The following SV2C variants were observed in gnomAD, a reference collection of about 807,000 sequenced individuals.
The protein encoded by SV2C is synaptic vesicle glycoprotein 2C, also known as solute carrier family 22 member B3.
SV2C carries 49 observed loss-of-function variants against 79.7 expected under a neutral mutation model. That is an observed-to-expected ratio of 0.61 (90% CI 0.49 to 0.78). The LOEUF is 0.78. SV2C is among the 30% of genes least tolerant of loss of function. The pLI, the probability that SV2C is intolerant of heterozygous loss-of-function variation, is 0.00. For synonymous variants in SV2C, 334 were observed against 333.2 expected (o/e 1.00, Z -0.03); for missense variants, 833 against 912.9 (o/e 0.91, Z 1.13).
chr5:76,218,292 A>G (rs1319236070), intron 4 of SV2C, among the ~76,000 whole-genome samples: 1 of 152,248 alleles, frequency 6.6e-6, no homozygotes, highest in Non-Finnish European at 1.5e-5. Context: ...TCTACCATAA[A>G]GACACATGCA....
the SV2C span, among the ~76,000 whole-genome samples, chr5:75,946,924 A>G: frequency 2.0e-5 from 3 of 152,150 alleles, no homozygotes; most frequent in Admixed American, 2.0e-4. Context: ...ATAAAAATAC[A>G]GTTTAAAACA....
rs375230806 is a variant in SV2C at position 76,325,573 on chromosome 5, G to A, written c.*26G>A. On this transcript the variant is annotated 3_prime_UTR_variant, in exon 13 of 13. Transcript: ENST00000502798. ...TGGGAAAAAAAGCCATCCTTCCTGC[G>A]TTTCTTCCTCCTGCCCTGGGTCAAT... 45 of 1,611,228 alleles carry A rather than the reference G, an allele frequency of 2.8e-5. No homozygotes were observed. The highest frequency in any genetic ancestry group is 3.3e-5 in the Non-Finnish European group (39 of 1,178,650).
At chr5:76,120,855 T>C (rs1210703246) in intron 1 of SV2C, among the ~76,000 whole-genome samples, 1 of 150,704 alleles carries the variant, frequency 6.6e-6, no homozygotes, top group Non-Finnish European at 1.5e-5. Flanking sequence ...TATAGCGGCA[T>C]GATTTATAGT....
intron 1 of SV2C, among the ~76,000 whole-genome samples, chr5:76,084,884 G>T (rs1245362823): frequency 1.3e-5 from 2 of 151,938 alleles, no homozygotes; most frequent in Non-Finnish European, 2.9e-5. Context: ...GGCCTGGGCT[G>T]GCGGGCAGGC....
intron 1 of SV2C, among the ~76,000 whole-genome samples, chr5:76,116,442 G>A (rs1454175108): frequency 6.6e-6 from 1 of 152,184 alleles, no homozygotes; most frequent in East Asian, 1.9e-4. Flanking sequence ...GGAGAGGGAA[G>A]CAGAATTGTT....
At chr5:76,133,583 A>G (rs1748976251) in intron 2 of SV2C, among the ~76,000 whole-genome samples, 1 of 152,190 alleles carries the variant, frequency 6.6e-6, no homozygotes, top group South Asian at 2.1e-4. Context: ...ATGCTTAGCT[A>G]AAATAAATGG....
intron 1 of SV2C, among the ~76,000 whole-genome samples, chr5:76,088,709 C>G (rs1747279696): frequency 6.6e-6 from 1 of 152,174 alleles, no homozygotes; most frequent in Non-Finnish European, 1.5e-5. Flanking sequence ...TTATTGAAAA[C>G]TTAAAAGTAT....
intron 1 of SV2C, among the ~76,000 whole-genome samples, chr5:76,102,280 T>C (rs1747768674): frequency 6.6e-6 from 1 of 152,112 alleles, no homozygotes; most frequent in East Asian, 1.9e-4. Flanking sequence ...CCTCTGATCC[T>C]TTATGCCTGC....
the SV2C span, among the ~76,000 whole-genome samples, chr5:75,915,983 G>C: frequency 6.6e-6 from 1 of 152,124 alleles, no homozygotes; most frequent in African/African-American, 2.4e-5. Context: ...AGAGAGACAG[G>C]TAGTATAGAG....
chr5:76,072,683 C>T, the SV2C span, among the ~76,000 whole-genome samples: 1 of 152,138 alleles, frequency 6.6e-6, no homozygotes, highest in Admixed American at 6.5e-5. Context: ...GAAATCTCCA[C>T]ATTTTTTCCA....
At chr5:76,283,774 A>T (rs966515042) in intron 4 of SV2C, among the ~76,000 whole-genome samples, 3 of 152,228 alleles carry the variant, frequency 2.0e-5, no homozygotes, top group Admixed American at 6.5e-5. Context: ...TCATTTGTCA[A>T]CAAATTCAGC....
At chr5:76,138,959 A>G (rs1749159468) in intron 2 of SV2C, among the ~76,000 whole-genome samples, 1 of 152,104 alleles carries the variant, frequency 6.6e-6, no homozygotes, top group South Asian at 2.1e-4. Context: ...TCTACTAAAA[A>G]TCCAAAAAAA....
At chr5:76,227,656 G>A (rs1423614691) in intron 4 of SV2C, among the ~76,000 whole-genome samples, 2 of 152,180 alleles carry the variant, frequency 1.3e-5, no homozygotes, top group Non-Finnish European at 2.9e-5. Flanking sequence ...ATAAGCCCAC[G>A]GTGAGTGTTT....
chr5:76,282,775 C>T (rs1400454629), intron 4 of SV2C, among the ~76,000 whole-genome samples: 2 of 151,916 alleles, frequency 1.3e-5, no homozygotes, highest in Non-Finnish European at 2.9e-5. Flanking sequence ...TTTGGGAGGC[C>T]GAGGCAGGCG....
At chr5:76,351,871 A>G (rs539587386) in intron 12 of SV2C, among the ~76,000 whole-genome samples, 2 of 152,276 alleles carry the variant, frequency 1.3e-5, no homozygotes, top group African/African-American at 4.8e-5. Flanking sequence ...CATTTAGAGC[A>G]TCATCATCAA....
intron 4 of SV2C, among the ~76,000 whole-genome samples, chr5:76,230,650 G>A (rs1166809765): frequency 1.3e-5 from 2 of 152,074 alleles, no homozygotes; most frequent in Admixed American, 6.5e-5. Context: ...TTATCTGGGC[G>A]TGATGGCGGG....
At chr5:76,008,273 G>T in the SV2C span, among the ~76,000 whole-genome samples, 18 of 152,146 alleles carry the variant, frequency 1.2e-4, no homozygotes, top group African/African-American at 4.1e-4. Context: ...GTCTGTCTCA[G>T]CAGGGGAGCC....
chr5:75,974,574 T>G, the SV2C span, among the ~76,000 whole-genome samples: 1 of 151,834 alleles, frequency 6.6e-6, no homozygotes, highest in East Asian at 1.9e-4. Context: ...TCCTTTTACC[T>G]GATTGATTTG....
chr5:75,878,971 G>A, the SV2C span, among the ~76,000 whole-genome samples: 1 of 152,198 alleles, frequency 6.6e-6, no homozygotes, highest in Non-Finnish European at 1.5e-5. Flanking sequence ...AGGAGGAGCA[G>A]GCAGCATCTC....
Sources: allele counts gnomAD v4.1 joint callset (sites outside exome capture counted in the v4.1 genomes callset), GRCh38; gene constraint gnomAD v4.1.1; transcripts MANE v1.5; gene names NCBI Gene and HGNC (gene_info 2026-07-23, HGNC 2026-07-21).